The following TBC1D22A variants were observed in gnomAD, a reference collection of about 807,000 sequenced individuals.
TBC1D22A encodes the protein TBC1 domain family member 22A, also known as putative GTPase activator.
Under a neutral mutation model 60.2 loss-of-function variants are expected in TBC1D22A, and 38 were observed. The ratio of observed to expected loss-of-function variants is 0.63; its 90% CI spans 0.49 to 0.83. TBC1D22A has a LOEUF of 0.83. Ranked by LOEUF, TBC1D22A falls within the 40% of genes least tolerant of loss-of-function variation. The probability of loss-of-function intolerance (pLI) is 0.00; values close to 1 mark genes in which losing one functional copy is unlikely to be tolerated. For missense variants in TBC1D22A, 628 were observed against 701.0 expected, an observed-to-expected ratio of 0.90 and a Z score of 1.18; for synonymous variants, 302 against 281.7, an observed-to-expected ratio of 1.07 and a Z score of -0.72.
At chr22:47,003,753 A>ATG (rs2061480434) in intron 10 of TBC1D22A, among the ~76,000 whole-genome samples, 7 of 74,542 alleles carry the variant, frequency 9.4e-5, no homozygotes, top group East Asian at 5.1e-4. Flanking sequence ...GTACACACAC[A>ATG]CCGTACACAC....
chr22:46,876,003 G>A (rs902401789), intron 4 of TBC1D22A, among the ~76,000 whole-genome samples: 1 of 152,178 alleles, frequency 6.6e-6, no homozygotes, highest in Non-Finnish European at 1.5e-5. Context: ...AGTGAGGACT[G>A]TAGTTGTCAG....
intron 11 of TBC1D22A, among the ~76,000 whole-genome samples, chr22:47,044,711 G>A (rs184119205): frequency 1.2e-4 from 19 of 152,336 alleles, no homozygotes; most frequent in South Asian, 4.1e-4. Flanking sequence ...TCAGCAGGAC[G>A]TGGCTCACTG....
chr22:47,050,782 G>A (rs1158453498), intron 11 of TBC1D22A, among the ~76,000 whole-genome samples: 3 of 152,242 alleles, frequency 2.0e-5, no homozygotes, highest in East Asian at 1.9e-4. Context: ...GGTGAAGTGC[G>A]CATCGGTGGA....
chr22:46,951,081 G>A (rs980802604), intron 8 of TBC1D22A, among the ~76,000 whole-genome samples: 2 of 152,184 alleles, frequency 1.3e-5, no homozygotes, highest in African/African-American at 4.8e-5. Context: ...GTCCCTGTAC[G>A]TGGCATTGGG....
At chr22:46,889,335 A>G (rs2068275802) in intron 5 of TBC1D22A, among the ~76,000 whole-genome samples, 1 of 152,206 alleles carries the variant, frequency 6.6e-6, no homozygotes, top group South Asian at 2.1e-4. Context: ...AACCACACCC[A>G]ACTGCATGGC....
At chr22:47,150,047 G>GA (rs1281507852) in intron 12 of TBC1D22A, among the ~76,000 whole-genome samples, 1 of 152,112 alleles carries the variant, frequency 6.6e-6, no homozygotes, top group Non-Finnish European at 1.5e-5. Flanking sequence ...CAGGGGCTGG[G>GA]ATTAGCCCCT....
intron 12 of TBC1D22A, among the ~76,000 whole-genome samples, chr22:47,162,201 G>GCT (rs201034100): frequency 7.8e-6 from 1 of 127,784 alleles, no homozygotes; most frequent in Non-Finnish European, 1.6e-5. Flanking sequence ...TCATTTGAAA[G>GCT]GTTTTTTTTT....
chr22:46,906,779 CTGTGTGTGTG>C (rs148450942), intron 7 of TBC1D22A, among the ~76,000 whole-genome samples: 266 of 149,178 alleles, frequency 1.8e-3, no homozygotes, highest in African/African-American at 6.3e-3. Flanking sequence ...GGACCCTGAA[CTGTGTGTGTG>C]TGTGTGTGTG....
rs576947892 is a variant in TBC1D22A at position 47,086,433 on chromosome 22, C to T, written c.1330-25075C>T. ...TCGCGCCATTGCACTCCAGCCTGGG[C>T]GACAAGAGTGAAACCCCATCTCAAA... On this transcript the variant is annotated intron_variant, in intron 11 of 12. Transcript: ENST00000337137. 5.4e-4 allele frequency among the ~76,000 whole-genome samples: 82 copies of T among 152,168 alleles called. 1 individual carries two copies. The highest frequency in any genetic ancestry group is 5.0e-3 in the South Asian group (24 of 4,822).
intron 9 of TBC1D22A, among the ~76,000 whole-genome samples, chr22:46,984,881 C>T (rs776267763): frequency 1.4e-4 from 22 of 152,152 alleles, no homozygotes; most frequent in Non-Finnish European, 1.9e-4. Context: ...GTGGGGCTGG[C>T]GTGAGTTGAC....
At chr22:46,883,123 CA>C (rs2067933210) in intron 5 of TBC1D22A, among the ~76,000 whole-genome samples, 1 of 152,140 alleles carries the variant, frequency 6.6e-6, no homozygotes, top group African/African-American at 2.4e-5. Flanking sequence ...AAACGTGGCA[CA>C]AAAACTACTT....
intron 11 of TBC1D22A, among the ~76,000 whole-genome samples, chr22:47,107,527 G>C (rs537123904): frequency 6.6e-6 from 1 of 152,294 alleles, no homozygotes; most frequent in East Asian, 1.9e-4. Context: ...TCTAAAAACA[G>C]ATATAATAGA....
chr22:46,921,301 C>G (rs1229333207), intron 8 of TBC1D22A, among the ~76,000 whole-genome samples: 1 of 152,140 alleles, frequency 6.6e-6, no homozygotes, highest in East Asian at 1.9e-4. Flanking sequence ...CATGTGTACT[C>G]AATATTTAGC....
At chr22:47,141,494 C>T (rs1242445891) in intron 12 of TBC1D22A, among the ~76,000 whole-genome samples, 6 of 152,334 alleles carry the variant, frequency 3.9e-5, no homozygotes, top group Non-Finnish European at 8.8e-5. Flanking sequence ...CAGATCAGAG[C>T]TGAACTTGCT....
intron 10 of TBC1D22A, among the ~76,000 whole-genome samples, chr22:47,004,663 TACAC>T (rs1009864533): frequency 2.1e-5 from 3 of 145,750 alleles, no homozygotes; most frequent in Non-Finnish European, 4.5e-5. Flanking sequence ...GATGCCTATA[TACAC>T]ACACACCTAC....
chr22:47,154,720 G>T (rs2067643958), intron 12 of TBC1D22A, among the ~76,000 whole-genome samples: 2 of 152,232 alleles, frequency 1.3e-5, no homozygotes, highest in Non-Finnish European at 2.9e-5. Flanking sequence ...CGGCTGCTCT[G>T]GGACATGTGC....
chr22:47,040,493 C>CGTCGAGCAAGTGGGG (rs1184201237), intron 11 of TBC1D22A, among the ~76,000 whole-genome samples: 2 of 150,730 alleles, frequency 1.3e-5, no homozygotes, highest in Non-Finnish European at 2.9e-5. Flanking sequence ...ATGAGGGGGT[C>CGTCGAGCAAGTGGGG]GTCGAGCAAG....
chr22:46,955,072 C>T (rs1364583749), intron 8 of TBC1D22A, among the ~76,000 whole-genome samples: 2 of 152,104 alleles, frequency 1.3e-5, no homozygotes, highest in Non-Finnish European at 2.9e-5. Context: ...AAGCGTATTT[C>T]GTGAGTCTAG....
At chr22:46,863,898 G>A (rs775901128) in intron 4 of TBC1D22A, among the ~76,000 whole-genome samples, 1 of 152,144 alleles carries the variant, frequency 6.6e-6, no homozygotes, top group Admixed American at 6.5e-5. Context: ...TTATGTCCAG[G>A]GACATAGAGC....
Sources: allele counts gnomAD v4.1 joint callset (sites outside exome capture counted in the v4.1 genomes callset), GRCh38; gene constraint gnomAD v4.1.1; transcripts MANE v1.5; gene names NCBI Gene and HGNC (gene_info 2026-07-23, HGNC 2026-07-21).